The following TMEM132D variants were observed in gnomAD, a reference collection of about 807,000 sequenced individuals.
TMEM132D encodes the protein transmembrane protein 132D.
In TMEM132D, 21 loss-of-function variants were observed where a neutral mutation model predicts 62.3. The observed-to-expected ratio is 0.34, with a 90% CI of 0.24 to 0.49. The LOEUF is 0.49. Ranked by LOEUF, TMEM132D falls within the 20% of genes least tolerant of loss-of-function variation. The pLI is 0.99. For synonymous variants in TMEM132D, 621 were observed against 575.6 expected (o/e 1.08, Z -1.13); for missense variants, 1,346 against 1,402.8 (o/e 0.96, Z 0.65).
chr12:129,500,817 T>G (rs1875116992), intron 3 of TMEM132D, among the ~76,000 whole-genome samples: 2 of 152,226 alleles, frequency 1.3e-5, no homozygotes, highest in African/African-American at 4.8e-5. Context: ...TGTGTTATTA[T>G]GCATTTAATT....
intron 2 of TMEM132D, among the ~76,000 whole-genome samples, chr12:129,654,934 C>T (rs1406164156): frequency 6.6e-6 from 1 of 152,064 alleles, no homozygotes; most frequent in African/African-American, 2.4e-5. Context: ...ATTTAATTTC[C>T]TTGAATTCCT....
chr12:129,477,275 G>A (rs868685966), intron 3 of TMEM132D, among the ~76,000 whole-genome samples: 29 of 152,044 alleles, frequency 1.9e-4, no homozygotes, highest in Admixed American at 5.9e-4. Flanking sequence ...TTGAAAATAA[G>A]GTAAGCTGAC....
At position 129,371,470 on chromosome 12, in the gene TMEM132D, G is replaced by GATGAT. The variant is rs1483980160; in HGVS notation, c.1116-33658_1116-33654dup. On this transcript the variant is annotated intron_variant, in intron 3 of 8. Coordinates refer to ENST00000422113, the MANE Select transcript of TMEM132D (RefSeq NM_133448.3). This position sits in a 1 kb window ranked among gnomAD's most constrained non-coding sequence, Gnocchi z 4.3. ...TATTGATGATGGTGGTAATGACGAT[G>GATGAT]ATGATGTGATAATGGTGATAAAGAT... Among the ~76,000 whole-genome samples, 1 of 151,996 alleles carries GATGAT rather than the reference G, an allele frequency of 6.6e-6. No homozygotes were observed. The highest frequency in any genetic ancestry group is 2.4e-5 in the African/African-American group (1 of 41,368).
chr12:129,682,903 A>G (rs982676284), intron 2 of TMEM132D: 3 of 147,228 alleles, frequency 2.0e-5, no homozygotes, highest in Admixed American at 1.4e-4. Flanking sequence ...GATTTTGGTC[A>G]TGGTAGATAC....
chr12:129,673,184 C>G (rs539755756), intron 2 of TMEM132D, among the ~76,000 whole-genome samples: 2 of 149,828 alleles, frequency 1.3e-5, no homozygotes, highest in Non-Finnish European at 2.9e-5. Context: ...TACGCCCTAG[C>G]AACCATGAAT....
intron 3 of TMEM132D, among the ~76,000 whole-genome samples, chr12:129,408,938 T>G (rs1367016031): frequency 6.6e-6 from 1 of 152,130 alleles, no homozygotes; most frequent in African/African-American, 2.4e-5. Flanking sequence ...TGTTTTTCAT[T>G]TTTTGTTTTT....
At chr12:129,613,264 T>C (rs1276302994) in intron 2 of TMEM132D, among the ~76,000 whole-genome samples, 1 of 152,126 alleles carries the variant, frequency 6.6e-6, no homozygotes, top group African/African-American at 2.4e-5. Context: ...TTTCTTAATT[T>C]GTCTGGTAAT....
chr12:129,136,893 CCATCATCACCAT>C (rs1326594054), intron 5 of TMEM132D, among the ~76,000 whole-genome samples: 3 of 149,842 alleles, frequency 2.0e-5, no homozygotes, highest in Non-Finnish European at 4.5e-5. Flanking sequence ...ATCATCACCA[CCATCATCACCAT>C]CATCATCACC....
intron 5 of TMEM132D, among the ~76,000 whole-genome samples, chr12:129,205,959 G>A (rs1486244256): frequency 6.6e-6 from 1 of 152,008 alleles, no homozygotes; most frequent in Non-Finnish European, 1.5e-5. Flanking sequence ...AACTCAAGAT[G>A]GATTAAATAC....
chr12:129,667,419 A>G (rs1880403468), intron 2 of TMEM132D, among the ~76,000 whole-genome samples: 1 of 152,156 alleles, frequency 6.6e-6, no homozygotes, highest in African/African-American at 2.4e-5. Context: ...AGAAAAGACA[A>G]ATTCAGTTGG....
intron 4 of TMEM132D, among the ~76,000 whole-genome samples, chr12:129,252,753 G>C (rs1033323457): frequency 1.3e-5 from 2 of 152,072 alleles, no homozygotes; most frequent in African/African-American, 4.8e-5. Flanking sequence ...TATGTTTATA[G>C]CGGCACTATT....
intron 4 of TMEM132D, among the ~76,000 whole-genome samples, chr12:129,289,072 A>T (rs957549504): frequency 6.6e-6 from 1 of 152,166 alleles, no homozygotes; most frequent in African/African-American, 2.4e-5. Context: ...AGAAGCAGAC[A>T]GTAGAACGGT....
At chr12:129,243,549 T>C (rs549455975) in intron 4 of TMEM132D, among the ~76,000 whole-genome samples, 41 of 152,322 alleles carry the variant, frequency 2.7e-4, no homozygotes, top group African/African-American at 9.6e-4. Context: ...AACAATATTT[T>C]TTTTGCAACA....
Position 129,867,131 on chromosome 12 carries a change from G to A in TMEM132D, c.79+36130C>T, listed in dbSNP as rs956739176. 2.0e-5 allele frequency among the ~76,000 whole-genome samples: 3 copies of A among 152,044 alleles called. No homozygotes were observed. The highest frequency in any genetic ancestry group is 7.2e-5 in the African/African-American group (3 of 41,420). On this transcript the variant is annotated intron_variant, in intron 1 of 8. Transcript: ENST00000422113. This position sits in a 1 kb window ranked among gnomAD's most constrained non-coding sequence, Gnocchi z 4.5. ...AGAAATTAGCTGGGCACGGTGGTATGTGCCTGTAGTCCTAGCTACATGGGA... is the reference window on the plus strand; with the variant it reads ...AGAAATTAGCTGGGCACGGTGGTATATGCCTGTAGTCCTAGCTACATGGGA...
chr12:129,809,477 T>C (rs1872100180), intron 1 of TMEM132D, among the ~76,000 whole-genome samples: 1 of 151,964 alleles, frequency 6.6e-6, no homozygotes, highest in Non-Finnish European at 1.5e-5. Context: ...GTGAGGGGTT[T>C]CTGAGACGAC....
intron 3 of TMEM132D, among the ~76,000 whole-genome samples, chr12:129,358,193 G>A (rs1870135234): frequency 6.6e-6 from 1 of 152,186 alleles, no homozygotes; most frequent in African/African-American, 2.4e-5. Context: ...GTTGTAGCTT[G>A]AGCCAAGTCG....
chr12:129,134,071 TTGTGTG>T (rs145876975), intron 5 of TMEM132D, among the ~76,000 whole-genome samples: 1 of 151,192 alleles, frequency 6.6e-6, no homozygotes, highest in African/African-American at 2.4e-5. Context: ...GAGTATTGTG[TTGTGTG>T]TGTGTGTTGT....
At chr12:129,764,377 T>A (rs1593152748) in intron 1 of TMEM132D, among the ~76,000 whole-genome samples, 1 of 152,146 alleles carries the variant, frequency 6.6e-6, no homozygotes, top group Non-Finnish European at 1.5e-5. Flanking sequence ...TTAAGAAAGG[T>A]GGAAAGCAAA....
chr12:129,424,404 C>CTCTCTA (rs1349452685), intron 3 of TMEM132D, among the ~76,000 whole-genome samples: 2 of 152,058 alleles, frequency 1.3e-5, no homozygotes, highest in Non-Finnish European at 2.9e-5. Context: ...CATTTTCCAC[C>CTCTCTA]CATTGGATGA....
Sources: gnomAD v4.1 joint callset for allele counts (sites outside exome capture counted in the v4.1 genomes callset) on GRCh38, gnomAD v4.1.1 for gene constraint, Gnocchi (gnomAD v3.1) non-coding constraint, MANE v1.5 for transcripts, NCBI Gene and HGNC (gene_info 2026-07-23, HGNC 2026-07-21) for gene names.